ATP10B: variants seen among roughly 807,000 people sequenced by gnomAD.
The protein encoded by ATP10B is phospholipid-transporting ATPase VB.
Under a neutral mutation model 141.2 loss-of-function variants are expected in ATP10B, and 122 were observed. The observed-to-expected ratio is 0.86, with a 90% CI of 0.75 to 1.00. The LOEUF is 1.00. Among genes scored for constraint, ATP10B ranks in the 50% least tolerant of loss-of-function variants. The pLI, the probability that ATP10B is intolerant of heterozygous loss-of-function variation, is 0.00. For missense variants in ATP10B, 1,876 were observed against 1,825.3 expected, an observed-to-expected ratio of 1.03 and a Z score of -0.51; for synonymous variants, 685 against 692.0, an observed-to-expected ratio of 0.99 and a Z score of 0.16.
chr5:160,725,590 C>T (rs1232706786), intron 2 of ATP10B, among the ~76,000 whole-genome samples: 2 of 152,144 alleles, frequency 1.3e-5, no homozygotes, highest in Non-Finnish European at 2.9e-5. Context: ...GGACTACAGG[C>T]GCCCGCCATC....
At chr5:160,882,931 G>C in the ATP10B span, among the ~76,000 whole-genome samples, 34 of 152,126 alleles carry the variant, frequency 2.2e-4, no homozygotes, top group African/African-American at 7.9e-4. Context: ...AGAAAAAATA[G>C]AATTGGTTGG....
Position 160,811,975 on chromosome 5 carries a change from A to AG in ATP10B, c.-575-26173dup, listed in dbSNP as rs1191102254. Among the ~76,000 whole-genome samples, 3 of 151,654 alleles carry AG rather than the reference A, an allele frequency of 2.0e-5. No individual in the cohort carries two copies. In the East Asian group the frequency reaches 5.8e-4, roughly 29 times the overall value. On this transcript the variant is annotated intron_variant, in intron 1 of 25. Coordinates refer to ENST00000327245, the MANE Select transcript of ATP10B (RefSeq NM_025153.3). ...GGGGTGCCTGTGTTACTCCACCCCC[A>AG]GCTCCAGACAGCTCTGAACAGAGAG...
Position 160,705,299 on chromosome 5 carries a change from G to A in ATP10B, c.-205+11610C>T, listed in dbSNP as rs139865368. On this transcript the variant is annotated intron_variant, in intron 3 of 25. Coordinates refer to ENST00000327245, the MANE Select transcript of ATP10B (RefSeq NM_025153.3). ...TACACTGGTACCATCTCAGCTTATG[G>A]TGGCCTCAACATCCCAGGCTCAAGC... is the stretch of plus-strand genomic sequence containing the variant. 6.1e-3 allele frequency among the ~76,000 whole-genome samples: 923 copies of A among 152,124 alleles called. 4 individuals are homozygous for A. The highest frequency in any genetic ancestry group is 0.014 in the Middle Eastern group (4 of 294).
the ATP10B span, among the ~76,000 whole-genome samples, chr5:160,901,068 C>T: frequency 0.011 from 1,690 of 152,082 alleles, 20 homozygotes; most frequent in African/African-American, 0.038. Context: ...AGCAAAACTC[C>T]GTTCTCAGCT....
At chr5:160,617,533 C>G (rs1758092978) in intron 16 of ATP10B, among the ~76,000 whole-genome samples, 1 of 151,956 alleles carries the variant, frequency 6.6e-6, no homozygotes, top group Non-Finnish European at 1.5e-5. Flanking sequence ...TAAAAGGTCC[C>G]CAAATTTAAA....
chr5:160,762,723 T>G (rs982102657), intron 2 of ATP10B, among the ~76,000 whole-genome samples: 1 of 152,018 alleles, frequency 6.6e-6, no homozygotes, highest in African/African-American at 2.4e-5. Flanking sequence ...ATCTCAATAC[T>G]AATGTTGAAT....
chr5:160,755,171 AG>A (rs920399420), intron 2 of ATP10B, among the ~76,000 whole-genome samples: 2 of 152,200 alleles, frequency 1.3e-5, no homozygotes, highest in Non-Finnish European at 1.5e-5. Context: ...GTGAAGGGGA[AG>A]CAAGCACCTT....
intron 8 of ATP10B, 55 bp from the exon 9 acceptor site, chr5:160,644,299 A>C (rs1255613718): frequency 8.2e-7 from 1 of 1,223,446 alleles, no homozygotes; most frequent in East Asian, 2.3e-5. Flanking sequence ...CCTTGCTGTC[A>C]CTGGGTACTG....
At chr5:160,636,086 T>A (rs1759344981) in intron 11 of ATP10B, 96 bp downstream of exon 11, 3 of 1,368,096 alleles carry the variant, frequency 2.2e-6, no homozygotes, top group Admixed American at 2.4e-5. Flanking sequence ...AGTTTGTACT[T>A]TCTAGTGGCC....
intron 13 of ATP10B, among the ~76,000 whole-genome samples, chr5:160,625,436 A>G (rs1758561124): frequency 6.6e-6 from 1 of 152,210 alleles, no homozygotes; most frequent in Non-Finnish European, 1.5e-5. Context: ...GGGGGAGGGT[A>G]CATAAATGAG....
At chr5:160,683,103 C>T (rs1283396165) in intron 6 of ATP10B, among the ~76,000 whole-genome samples, 1 of 149,654 alleles carries the variant, frequency 6.7e-6, no homozygotes, top group Non-Finnish European at 1.5e-5. Flanking sequence ...ACAATGCTTT[C>T]TCAAACACCG....
At chr5:160,672,137 C>T (rs1327994370) in intron 6 of ATP10B, among the ~76,000 whole-genome samples, 2 of 151,812 alleles carry the variant, frequency 1.3e-5, no homozygotes, top group Admixed American at 6.6e-5. Flanking sequence ...CCACCATGTC[C>T]AGCTAATTTT....
chr5:160,565,608 C>T lies in ATP10B; in HGVS notation c.4231G>A (p.Asp1411Asn). The change falls in exon 26 of 26, where the codon GAC becomes AAC. Residue 1411 changes from aspartate to asparagine, a missense_variant. Transcript: ENST00000327245. ...GCTGAGGAGTCCCCTGAGCATGAGT[C>T]ATCCCTCATGCACTCCGTGCCACAT... ...QRCGTECMRD[D>N]SCSGDSSAQL... 1.2e-6 allele frequency: 2 copies of T among 1,614,124 alleles called. No individual in the cohort carries two copies. The highest frequency in any genetic ancestry group is 1.7e-6 in the Non-Finnish European group (2 of 1,179,970).
In ATP10B at chr5:160,617,967, T is replaced by A. The variant is rs1758119989; in HGVS notation, c.2423A>T (p.Asp808Val). Residue 808 changes from aspartate (D) to valine (V), a missense_variant, in exon 16 of 26, where the codon GAC becomes GTC. Physicochemically the swap from Asp to Val is radical, Grantham distance 152 (BLOSUM62 -3). Transcript: ENST00000327245. ...DLLEDPACVP[D>V]INMEKKLRKI... ...TCTCAGCTTCTTTTCCATATTAATGTCAGGTACTGTCAAATAGCCATTTTC... is the reference window on the plus strand; with the variant it reads ...TCTCAGCTTCTTTTCCATATTAATGACAGGTACTGTCAAATAGCCATTTTC... The A allele has an allele frequency of 6.2e-7, 1 of 1,613,592 alleles. No individual in the cohort carries two copies. Among genetic ancestry groups the A allele is most frequent in the African/African-American group, 1.3e-5 (1 of 74,914 alleles).
chr5:160,783,501 C>CAT (rs527498609), intron 2 of ATP10B, among the ~76,000 whole-genome samples: 101 of 133,334 alleles, frequency 7.6e-4, no homozygotes, highest in African/African-American at 2.7e-3. Context: ...CGATATATAT[C>CAT]ATATATATAC....
the ATP10B span, among the ~76,000 whole-genome samples, chr5:160,893,601 G>A: frequency 6.6e-5 from 10 of 152,192 alleles, no homozygotes; most frequent in South Asian, 6.2e-4. Context: ...GGGGGAAGGG[G>A]CAGCTGCAGG....
At chr5:160,913,223 G>A in the ATP10B span, among the ~76,000 whole-genome samples, 1 of 152,202 alleles carries the variant, frequency 6.6e-6, no homozygotes. Flanking sequence ...GCTTTCTGCA[G>A]CCCTCAGCAA....
chr5:160,742,731 G>A (rs747708882), intron 2 of ATP10B, among the ~76,000 whole-genome samples: 2 of 152,160 alleles, frequency 1.3e-5, no homozygotes, highest in South Asian at 2.1e-4. Context: ...GAAAAGAAGG[G>A]AAGAGTTGTT....
intron 6 of ATP10B, among the ~76,000 whole-genome samples, chr5:160,680,553 A>G (rs750726406): frequency 2.0e-5 from 3 of 152,244 alleles, no homozygotes; most frequent in African/African-American, 4.8e-5. Context: ...ATACGTGGAA[A>G]GCAATTTACA....
Sources: allele counts gnomAD v4.1 joint callset (sites outside exome capture counted in the v4.1 genomes callset), GRCh38; gene constraint gnomAD v4.1.1; transcripts MANE v1.5; gene names NCBI Gene and HGNC (gene_info 2026-07-23, HGNC 2026-07-21).